DENND3: variants seen among roughly 807,000 people sequenced by gnomAD.
The protein encoded by DENND3 is DENN domain containing 3.
Under a neutral mutation model 135.1 loss-of-function variants are expected in DENND3, and 88 were observed. The ratio of observed to expected loss-of-function variants is 0.65; its 90% confidence interval spans 0.55 to 0.78. The LOEUF (loss-of-function observed/expected upper bound fraction) is 0.78, where lower values mean the gene tolerates loss of function less well. Ranked by LOEUF, DENND3 falls within the 30% of genes least tolerant of loss-of-function variation. The pLI is 0.00. For missense variants in DENND3, 1,392 were observed against 1,688.4 expected (o/e 0.82, Z 3.08); for synonymous variants, 693 against 712.3 (o/e 0.97, Z 0.43).
At chr8:141,158,202 C>A (rs1260318763) in intron 8 of DENND3, 3 of 1,289,686 alleles carry the variant, frequency 2.3e-6, no homozygotes, top group South Asian at 1.2e-5. Flanking sequence ...GCCAAGGGCA[C>A]CTGAGCAGCT....
intron 17 of DENND3, among the ~76,000 whole-genome samples, chr8:141,183,343 T>C (rs1165715659): frequency 6.6e-6 from 1 of 152,056 alleles, no homozygotes; most frequent in African/African-American, 2.4e-5. Flanking sequence ...CCTCCTGGGC[T>C]CTAGCGATCC....
rs773643758 is a variant in DENND3, at chr8:141,151,669, C to CTGGG, written c.907_910dup (p.Ala304ValfsTer9). ...AGCGGATCGTCTTCTTCTCCTCGGA[C>CTGGG]TGGGCTCTGCTGACGCTGGTCACTG... On this transcript the variant is annotated frameshift_variant, in exon 7 of 23. Coordinates refer to ENST00000519811, the MANE Select transcript of DENND3 (RefSeq NM_001352890.3). LOFTEE classifies it high-confidence loss of function. 1 of 1,613,954 alleles carries CTGGG rather than the reference C, an allele frequency of 6.2e-7. No individual in the cohort carries two copies. The highest frequency in any genetic ancestry group is 8.5e-7 in the Non-Finnish European group (1 of 1,180,034).
intron 1 of DENND3, among the ~76,000 whole-genome samples, chr8:141,133,039 A>G (rs1301965555): frequency 6.6e-6 from 1 of 152,198 alleles, no homozygotes; most frequent in African/African-American, 2.4e-5. Flanking sequence ...CAGGGCCGAG[A>G]TGCTCCAGGG....
At chr8:141,132,216 A>G (rs944012582) in intron 1 of DENND3, among the ~76,000 whole-genome samples, 19 of 152,234 alleles carry the variant, frequency 1.2e-4, no homozygotes, top group African/African-American at 4.1e-4. Flanking sequence ...AAACAAAATT[A>G]TACGTTTATA....
At position 141,137,924 on chromosome 8, in the gene DENND3, G is replaced by A. The variant is rs1372576179; in HGVS notation, c.386-98G>A. 18 of 1,235,184 alleles carry A rather than the reference G, an allele frequency of 1.5e-5. No homozygotes were observed. Among genetic ancestry groups the A allele is most frequent in the South Asian group, 4.2e-5 (3 of 70,748 alleles). 76.5% of individuals were successfully genotyped at this position (1,235,184 alleles called of 1,614,324 possible). On this transcript the variant is annotated intron_variant, in intron 2 of 22. Coordinates refer to ENST00000519811, the MANE Select transcript of DENND3 (RefSeq NM_001352890.3). This position sits in a 1 kb window ranked among gnomAD's most constrained non-coding sequence, Gnocchi z 4.1. ...CATGAAGGCACCACCACTGCTAACT[G>A]TGGAGGTGTGTCCTAAACACTGTGA...
At chr8:141,173,179 G>A (rs1235535340) in intron 13 of DENND3, among the ~76,000 whole-genome samples, 1 of 152,242 alleles carries the variant, frequency 6.6e-6, no homozygotes, top group Non-Finnish European at 1.5e-5. Flanking sequence ...CAGCACAGGG[G>A]CTGCAGAGAC....
chr8:141,143,736 T>G (rs953448031), intron 4 of DENND3, among the ~76,000 whole-genome samples: 4 of 152,176 alleles, frequency 2.6e-5, no homozygotes, highest in African/African-American at 9.7e-5. Flanking sequence ...ATACAGTACT[T>G]TAAAAGTCAG....
chr8:141,150,263 C>T (rs543320610), intron 5 of DENND3: 10 of 1,246,288 alleles, frequency 8.0e-6, no homozygotes, highest in East Asian at 6.0e-5. Context: ...ACTGAACCTT[C>T]TCCTCTGGAT....
At chr8:141,135,964 G>C (rs534764353) in intron 1 of DENND3, among the ~76,000 whole-genome samples, 1 of 152,210 alleles carries the variant, frequency 6.6e-6, no homozygotes, top group Non-Finnish European at 1.5e-5. Context: ...ACTGGCCCAC[G>C]TGGGGGTGTG....
rs114549326 is a variant in DENND3 at position 141,180,452 on chromosome 8, A to C, written c.2837-295A>C. 1.3e-3 allele frequency among the ~76,000 whole-genome samples: 197 copies of C among 152,188 alleles called. 1 individual carries two copies. The highest frequency in any genetic ancestry group is 4.3e-3 in the African/African-American group (180 of 41,502). Reference sequence around the variant, plus strand: ...AAGGGATGGCTCAGGAGCAGAGAAGAAGGCTGTGTTTAAACAAAGGCAGCT... The same window carrying C: ...AAGGGATGGCTCAGGAGCAGAGAAGCAGGCTGTGTTTAAACAAAGGCAGCT... On this transcript the variant is annotated intron_variant, in intron 16 of 22. Transcript: ENST00000519811.
intron 1 of DENND3, among the ~76,000 whole-genome samples, chr8:141,136,002 G>A (rs546785456): frequency 2.0e-5 from 3 of 152,344 alleles, no homozygotes; most frequent in East Asian, 3.9e-4. Context: ...AAATGTGTAT[G>A]TGTGGGGTTT....
At chr8:141,131,282 G>A (rs371650722) in intron 1 of DENND3, among the ~76,000 whole-genome samples, 12 of 152,258 alleles carry the variant, frequency 7.9e-5, no homozygotes, top group East Asian at 7.7e-4. Context: ...GGTTGCTATG[G>A]AGACTAGACA....
Position 141,137,289 on chromosome 8 carries a change from G to T in DENND3, c.385+498G>T, listed in dbSNP as rs886750422. Among the ~76,000 whole-genome samples, 1 of 152,170 alleles carries T rather than the reference G, an allele frequency of 6.6e-6. No individual in the cohort carries two copies. On this transcript the variant is annotated intron_variant, in intron 2 of 22. Coordinates refer to ENST00000519811, the MANE Select transcript of DENND3 (RefSeq NM_001352890.3). The surrounding 1 kb of genome is among the most constrained non-coding windows in gnomAD (Gnocchi z 4.1). Reference sequence around the variant, plus strand: ...GCCACCGTGCTCGACCTACCTTGGGGATTTTAAAGCTGAAGGAAATGTAAA... The same window carrying T: ...GCCACCGTGCTCGACCTACCTTGGGTATTTTAAAGCTGAAGGAAATGTAAA...
intron 10 of DENND3, among the ~76,000 whole-genome samples, chr8:141,164,501 C>T (rs924260824): frequency 4.6e-5 from 7 of 152,196 alleles, no homozygotes; most frequent in African/African-American, 1.7e-4. Context: ...CGGGTGTCTC[C>T]TGAATGGCTG....
chr8:141,158,404 C>T, intron 8 of DENND3: 6 of 1,129,900 alleles, frequency 5.3e-6, no homozygotes, highest in Non-Finnish European at 6.6e-6. Context: ...CTGCCTGCAT[C>T]CTCATCTTCT....
rs996742031 is a variant in DENND3, at chr8:141,138,208, C to T, written c.501+71C>T. On this transcript the variant is annotated intron_variant, in intron 3 of 22. Coordinates refer to ENST00000519811, the MANE Select transcript of DENND3 (RefSeq NM_001352890.3). This position sits in a 1 kb window ranked among gnomAD's most constrained non-coding sequence, Gnocchi z 4.8. ...TTATTATGGTGAAATACACATAACA[C>T]AACATTCACCATTCTAACCATTTTA... The T allele has an allele frequency of 4.3e-6, 6 of 1,408,674 alleles. No homozygotes were observed. The highest frequency in any genetic ancestry group is 5.9e-6 in the Non-Finnish European group (6 of 1,019,080). 87.3% of individuals were successfully genotyped at this position (1,408,674 alleles called of 1,614,324 possible).
At chr8:141,165,462 T>G (rs1476492036) in intron 11 of DENND3, among the ~76,000 whole-genome samples, 173 bp downstream of exon 11, 8 of 151,640 alleles carry the variant, frequency 5.3e-5, no homozygotes, top group Admixed American at 5.2e-4. Context: ...TTTCTACTTC[T>G]TCTTTTTTTT....
intron 5 of DENND3, among the ~76,000 whole-genome samples, chr8:141,148,620 T>C (rs1340633553): frequency 1.3e-5 from 2 of 152,186 alleles, no homozygotes; most frequent in African/African-American, 4.8e-5. Flanking sequence ...CTCTCCTCAG[T>C]CTGTTCATCT....
chr8:141,136,854 T>G, intron 2 of DENND3, 63 bp downstream of exon 2: 1 of 1,461,618 alleles, frequency 6.8e-7, no homozygotes, highest in African/African-American at 1.4e-5. Context: ...AGTGGTCTAT[T>G]CCCAGAAACC....
Sources: allele counts gnomAD v4.1 joint callset (sites outside exome capture counted in the v4.1 genomes callset), GRCh38; gene constraint gnomAD v4.1.1; non-coding constraint Gnocchi (gnomAD v3.1); transcripts MANE v1.5; gene names NCBI Gene and HGNC (gene_info 2026-07-23, HGNC 2026-07-21).